The following HDAC8 variants were observed in gnomAD, a reference collection of about 807,000 sequenced individuals.
HDAC8 encodes the protein histone deacetylase-like 1.
A neutral mutation model predicts 32.2 loss-of-function variants in HDAC8; 1 was observed. The observed-to-expected ratio is 0.03, with a 90% CI of 0.01 to 0.15. HDAC8 has a LOEUF of 0.15. Among genes scored for constraint, HDAC8 ranks in the 10% least tolerant of loss-of-function variants. HDAC8 has a pLI of 1.00. For missense variants in HDAC8, 117 were observed against 300.0 expected, an observed-to-expected ratio of 0.39 and a Z score of 4.51; for synonymous variants, 108 against 113.9, an observed-to-expected ratio of 0.95 and a Z score of 0.33.
chrX:72,555,686 C>T (rs183456557), intron 4 of HDAC8, among the ~76,000 whole-genome samples: 2 of 112,314 alleles, frequency 1.8e-5, no homozygotes, highest in Admixed American at 1.9e-4. Flanking sequence ...TTTGAATTAA[C>T]CCAATCTGTC....
rs553021332 is a variant in HDAC8 at position 72,402,165 on chromosome X, G to C, written c.1006-50327C>G. ...CACGTACAATTGTTCATTGCATTCT[G>C]TTATAATCCTTTCTATTTCTGTAAA... is the stretch of plus-strand genomic sequence containing the variant. On this transcript the variant is annotated intron_variant, in intron 9 of 10. Transcript: ENST00000373573. Among the ~76,000 whole-genome samples, 9 of 111,300 alleles carry C rather than the reference G, an allele frequency of 8.1e-5. No homozygotes were observed. In the South Asian group the frequency reaches 3.4e-3, roughly 42 times the overall value.
chrX:72,562,687 T>A (rs981613377), intron 4 of HDAC8, among the ~76,000 whole-genome samples: 8 of 109,322 alleles, frequency 7.3e-5, no homozygotes, highest in African/African-American at 1.3e-4. Context: ...AATAAAAAAA[T>A]ATATATATAA....
rs1163810688 is a variant in HDAC8 at position 72,572,116 on chromosome X, ACAT to A, written c.112-10_112-8del. ...AAGAATGCACCATACTGGCCTAAAA[ACAT>A]CAGCGTAAAAAAAAAAAAAGAAAAG... On this transcript the variant is annotated splice_region_variant and splice_polypyrimidine_tract_variant and intron_variant, in intron 1 of 10. Coordinates refer to ENST00000373573, the MANE Select transcript of HDAC8 (RefSeq NM_018486.3). The A allele has an allele frequency of 3.4e-6, 4 of 1,169,309 alleles. No homozygotes were observed. The highest frequency in any genetic ancestry group is 4.6e-6 in the Non-Finnish European group (4 of 877,552).
Position 72,465,643 on chromosome X carries a change from G to A in HDAC8, c.738-912C>T, listed in dbSNP as rs1398886810. 5.4e-5 allele frequency among the ~76,000 whole-genome samples: 6 copies of A among 111,592 alleles called. 1 individual carries two copies. The highest frequency in any genetic ancestry group is 2.9e-4 in the Admixed American group (3 of 10,514). ...GGGCCTGAATAACTCTTACAGAGAC[G>A]TATAAACAAGTGTAAATTAAGATAC... On this transcript the variant is annotated intron_variant, in intron 7 of 10. Transcript: ENST00000373573.
intron 9 of HDAC8, among the ~76,000 whole-genome samples, chrX:72,370,485 T>G (rs1555955988): frequency 8.9e-6 from 1 of 111,743 alleles, no homozygotes; most frequent in Non-Finnish European, 1.9e-5. Flanking sequence ...GTCAGCCTCC[T>G]GAGTAGCTGG....
At chrX:72,434,434 G>T (rs1160180998) in intron 9 of HDAC8, among the ~76,000 whole-genome samples, 1 of 111,475 alleles carries the variant, frequency 9.0e-6, no homozygotes, top group Non-Finnish European at 1.9e-5. Flanking sequence ...CTGAATGCCT[G>T]GTACTATGAC....
intron 5 of HDAC8, 39 bp downstream of exon 5, chrX:72,495,117 G>A (rs1556012111): frequency 4.1e-6 from 4 of 984,413 alleles, no homozygotes; most frequent in Non-Finnish European, 5.7e-6. Flanking sequence ...AAAACCTGCT[G>A]TCCTCGCAGC....
chrX:72,522,289 A>G (rs952902524), intron 4 of HDAC8, among the ~76,000 whole-genome samples: 2 of 112,708 alleles, frequency 1.8e-5, no homozygotes, highest in Admixed American at 9.3e-5. Flanking sequence ...GAAATGAAAA[A>G]GTTTGTAACA....
intron 4 of HDAC8, among the ~76,000 whole-genome samples, chrX:72,501,406 C>T (rs1271620118): frequency 9.8e-5 from 11 of 111,693 alleles, no homozygotes; most frequent in Non-Finnish European, 1.9e-4. Context: ...CAGCATGGTA[C>T]TGGTACAAAA....
At chrX:72,523,250 C>T (rs1458753060) in intron 4 of HDAC8, among the ~76,000 whole-genome samples, 1 of 111,583 alleles carries the variant, frequency 9.0e-6, no homozygotes, top group African/African-American at 3.3e-5. Context: ...ACCTGTTTTC[C>T]CACAGCCATG....
At chrX:72,489,077 G>C in intron 6 of HDAC8, 36 bp from the exon 7 acceptor site, 1 of 955,046 alleles carries the variant, frequency 1.0e-6, no homozygotes. Context: ...CAGTTATTAG[G>C]AACATGAGAA....
intron 7 of HDAC8, chrX:72,474,503 T>TA: frequency 9.3e-7 from 1 of 1,070,531 alleles, no homozygotes; most frequent in South Asian, 2.6e-5. Context: ...TGTGAAAGTA[T>TA]AAAATCTCTT....
chrX:72,348,506 G>A (rs1249283532), intron 10 of HDAC8, among the ~76,000 whole-genome samples: 7 of 112,550 alleles, frequency 6.2e-5, no homozygotes, highest in African/African-American at 2.3e-4. Flanking sequence ...TAGCAGGTTA[G>A]CCTGGCCATT....
intron 4 of HDAC8, among the ~76,000 whole-genome samples, chrX:72,541,301 C>T (rs1331503639): frequency 4.5e-5 from 5 of 111,387 alleles, no homozygotes; most frequent in African/African-American, 1.6e-4. Flanking sequence ...ATAGCAAGGG[C>T]AAAGCCCTAG....
At chrX:72,444,915 G>T (rs1555983924) in intron 9 of HDAC8, among the ~76,000 whole-genome samples, 1 of 107,119 alleles carries the variant, frequency 9.3e-6, no homozygotes, top group South Asian at 4.3e-4. Context: ...CAAATCATGA[G>T]TGAACTCCCA....
At chrX:72,401,847 G>A (rs1397757072) in intron 9 of HDAC8, among the ~76,000 whole-genome samples, 5 of 112,239 alleles carry the variant, frequency 4.5e-5, no homozygotes, top group African/African-American at 1.3e-4. Context: ...TTTGAAATCT[G>A]TAAATAATAA....
intron 6 of HDAC8, among the ~76,000 whole-genome samples, chrX:72,490,254 T>C (rs2048819559): frequency 9.0e-6 from 1 of 110,779 alleles, no homozygotes; most frequent in Non-Finnish European, 1.9e-5. Context: ...CATTACTGGG[T>C]ATATACCCAA....
At chrX:72,554,870 T>C (rs1556088553) in intron 4 of HDAC8, among the ~76,000 whole-genome samples, 1 of 112,086 alleles carries the variant, frequency 8.9e-6, no homozygotes, top group East Asian at 2.8e-4. Flanking sequence ...ACCTGAATAC[T>C]TAAACAGGTG....
At chrX:72,382,573 G>A (rs1444617850) in intron 9 of HDAC8, among the ~76,000 whole-genome samples, 1 of 112,405 alleles carries the variant, frequency 8.9e-6, no homozygotes, top group Non-Finnish European at 1.9e-5. Flanking sequence ...AATAAAGGAA[G>A]TACTGATACA....
Sources: gnomAD v4.1 joint callset for allele counts (sites outside exome capture counted in the v4.1 genomes callset) on GRCh38, gnomAD v4.1.1 for gene constraint, MANE v1.5 for transcripts, NCBI Gene and HGNC (gene_info 2026-07-23, HGNC 2026-07-21) for gene names.